The following GLRA3 variants were observed in gnomAD, a reference collection of about 807,000 sequenced individuals.
GLRA3 encodes the protein glycine receptor alpha 3.
Under a neutral mutation model 60.4 loss-of-function variants are expected in GLRA3, and 44 were observed. That is an observed-to-expected ratio of 0.73 (90% CI 0.57 to 0.94). GLRA3 has a LOEUF of 0.94. GLRA3 is among the 40% of genes least tolerant of loss of function. The pLI, the probability that GLRA3 is intolerant of heterozygous loss-of-function variation, is 0.00. For synonymous variants in GLRA3, 223 were observed against 192.9 expected (o/e 1.16, Z -1.29); for missense variants, 508 against 564.6 (o/e 0.90, Z 1.02).
chr4:174,671,425 G>T (rs1733903429), intron 7 of GLRA3, among the ~76,000 whole-genome samples: 1 of 151,982 alleles, frequency 6.6e-6, no homozygotes, highest in Non-Finnish European at 1.5e-5. Flanking sequence ...TTGCTAATTA[G>T]CTATGAACAC....
intron 2 of GLRA3, among the ~76,000 whole-genome samples, chr4:174,773,897 G>A (rs1256558355): frequency 1.3e-5 from 2 of 152,156 alleles, no homozygotes; most frequent in Non-Finnish European, 2.9e-5. Flanking sequence ...CCTAAGGCAG[G>A]AGAGAAGGAC....
chr4:174,645,538 G>A (rs551010336), intron 9 of GLRA3, among the ~76,000 whole-genome samples: 1 of 151,954 alleles, frequency 6.6e-6, no homozygotes, highest in Non-Finnish European at 1.5e-5. Context: ...CTAAAAATGA[G>A]AAGATGACCA....
rs1286777962 is a variant in GLRA3 at position 174,637,591 on chromosome 4, C to T, written c.*6195G>A. On this transcript the variant is annotated 3_prime_UTR_variant, in exon 10 of 10. Transcript: ENST00000274093. ...TACTGTGTATGTGAGCGGGGTTGCC[C>T]AAAGGCGCCATTGCTAAAACCACCC... 6.6e-6 allele frequency: 1 copy of T among 152,158 alleles called. No homozygotes were observed. Among genetic ancestry groups the T allele is most frequent in the East Asian group, 1.9e-4 (1 of 5,202 alleles). 9.4% of individuals were successfully genotyped at this position (152,158 alleles called of 1,614,324 possible). A position where few individuals can be genotyped will look rare whatever the true frequency, so the allele number is the denominator to read the frequency against.
At chr4:174,828,441 C>T (rs549207338) in intron 1 of GLRA3, among the ~76,000 whole-genome samples, 1 of 152,068 alleles carries the variant, frequency 6.6e-6, no homozygotes, top group South Asian at 2.1e-4. Context: ...ACTTAGAAAA[C>T]GGGAACTTTA....
intron 4 of GLRA3, among the ~76,000 whole-genome samples, chr4:174,726,699 T>A (rs1159153803): frequency 6.6e-6 from 1 of 152,154 alleles, no homozygotes; most frequent in Non-Finnish European, 1.5e-5. Flanking sequence ...TGTGCTTATA[T>A]CCACCACTGG....
intron 3 of GLRA3, among the ~76,000 whole-genome samples, chr4:174,755,291 T>C (rs1223156654): frequency 1.3e-5 from 2 of 152,148 alleles, no homozygotes; most frequent in Non-Finnish European, 2.9e-5. Flanking sequence ...TAGCTGTTAA[T>C]GATACAATGA....
rs185834408 is a variant in GLRA3, at chr4:174,824,150, C to T, written c.71+4591G>A. Among the ~76,000 whole-genome samples, 16 of 152,246 alleles carry T rather than the reference C, an allele frequency of 1.1e-4. No homozygotes were observed. The East Asian group carries it at 3.1e-3, about 29-fold the overall frequency. On this transcript the variant is annotated intron_variant, in intron 1 of 9. Transcript: ENST00000274093. ...CAAGCATCTTAACCTCAAAATACCC[C>T]GAACCAAATTCAATGTCCTCTTTTC...
At chr4:174,825,998 A>G (rs200494835) in intron 1 of GLRA3, among the ~76,000 whole-genome samples, 3 of 152,174 alleles carry the variant, frequency 2.0e-5, no homozygotes, top group East Asian at 3.8e-4. Context: ...AAAACTACAT[A>G]GGAATACTGG....
chr4:174,683,013 A>G, intron 5 of GLRA3, 74 bp from the exon 6 acceptor site: 1 of 1,206,980 alleles, frequency 8.3e-7, no homozygotes, highest in Non-Finnish European at 1.2e-6. Context: ...ATTACTTTAT[A>G]GTCACATAGG....
At chr4:174,795,791 TC>T (rs1739542122) in intron 1 of GLRA3, among the ~76,000 whole-genome samples, 2 of 152,174 alleles carry the variant, frequency 1.3e-5, no homozygotes, top group African/African-American at 4.8e-5. Context: ...CACAGTTCAG[TC>T]GATTACTCTG....
intron 1 of GLRA3, among the ~76,000 whole-genome samples, chr4:174,812,789 T>C (rs1290264066): frequency 6.6e-6 from 1 of 152,196 alleles, no homozygotes; most frequent in African/African-American, 2.4e-5. Flanking sequence ...GCTAATATTC[T>C]AGGTTACCCA....
chr4:174,821,946 C>G (rs754478163), intron 1 of GLRA3, among the ~76,000 whole-genome samples: 1 of 152,264 alleles, frequency 6.6e-6, no homozygotes, highest in Non-Finnish European at 1.5e-5. Flanking sequence ...ATGTGACAGA[C>G]AGGCAGATGT....
At chr4:174,648,675 A>G (rs1256653079) in intron 9 of GLRA3, among the ~76,000 whole-genome samples, 1 of 152,146 alleles carries the variant, frequency 6.6e-6, no homozygotes, top group African/African-American at 2.4e-5. Context: ...GTCCTTAGGC[A>G]TGTGGCCCTC....
At chr4:174,654,092 A>C (rs1394910793) in intron 9 of GLRA3, among the ~76,000 whole-genome samples, 1 of 152,126 alleles carries the variant, frequency 6.6e-6, no homozygotes, top group Non-Finnish European at 1.5e-5. Context: ...TGTAGGAAAC[A>C]CTTTATCTAT....
intron 5 of GLRA3, among the ~76,000 whole-genome samples, chr4:174,698,216 G>T (rs186605185): frequency 6.6e-6 from 1 of 152,104 alleles, no homozygotes; most frequent in East Asian, 1.9e-4. Context: ...TTTAGAGATA[G>T]GGTCTCACTC....
At chr4:174,681,630 T>C (rs994295621) in intron 6 of GLRA3, among the ~76,000 whole-genome samples, 2 of 152,128 alleles carry the variant, frequency 1.3e-5, no homozygotes, top group Non-Finnish European at 2.9e-5. Context: ...CCTAAAGCTT[T>C]GAGGGAAAGC....
At chr4:174,677,835 T>A (rs1323032680) in intron 6 of GLRA3, among the ~76,000 whole-genome samples, 1 of 152,212 alleles carries the variant, frequency 6.6e-6, no homozygotes, top group African/African-American at 2.4e-5. Context: ...ACTTGAAAAG[T>A]GCTTTACACT....
At position 174,750,615 on chromosome 4, in the gene GLRA3, G is replaced by A. The variant is rs563006291; in HGVS notation, c.267+16348C>T. ...GCTGAACATATTGCTCCTGAAATGA[G>A]CTCCCAGATTTCAATAGTGATAATT... On this transcript the variant is annotated intron_variant, in intron 3 of 9. Transcript: ENST00000274093. Among the ~76,000 whole-genome samples, 7 of 152,144 alleles carry A rather than the reference G, an allele frequency of 4.6e-5. No individual in the cohort carries two copies. The East Asian group carries it at 5.8e-4, about 13-fold the overall frequency.
At chr4:174,666,743 T>TAA (rs1733681746) in intron 7 of GLRA3, among the ~76,000 whole-genome samples, 1 of 123,452 alleles carries the variant, frequency 8.1e-6, no homozygotes. Flanking sequence ...AATAAGAATA[T>TAA]ATATATATAT....
Sources: allele counts gnomAD v4.1 joint callset (sites outside exome capture counted in the v4.1 genomes callset), GRCh38; gene constraint gnomAD v4.1.1; transcripts MANE v1.5; gene names NCBI Gene and HGNC (gene_info 2026-07-23, HGNC 2026-07-21).